NR2F1-AS1: variants seen among roughly 807,000 people sequenced by gnomAD.
NR2F1-AS1 encodes the protein NR2F1 antisense RNA 1.
At chr5:93,522,998 G>T (rs188379020) in intron 4 of NR2F1-AS1, among the ~76,000 whole-genome samples, 345 of 151,914 alleles carry the variant, frequency 2.3e-3, no homozygotes, top group African/African-American at 7.7e-3. Context: ...CAGTGAGAGA[G>T]AACTGTTCAC....
chr5:93,569,092 T>C (rs1247213777), intron 1 of NR2F1-AS1, among the ~76,000 whole-genome samples: 3 of 152,106 alleles, frequency 2.0e-5, no homozygotes, highest in South Asian at 2.1e-4. Context: ...TCTCTCCTCA[T>C]AGGTTTGAGG....
upstream of NR2F1-AS1, among the ~76,000 whole-genome samples, chr5:93,582,767 C>A (rs1207125699): frequency 1.2e-5 from 1 of 80,938 alleles, no homozygotes; most frequent in East Asian, 3.7e-4. Flanking sequence ...GGGGTGTGAG[C>A]GTAAGTGTGT....
At chr5:93,569,314 TA>T (rs1366214153) in intron 1 of NR2F1-AS1, among the ~76,000 whole-genome samples, 2 of 152,150 alleles carry the variant, frequency 1.3e-5, no homozygotes, top group East Asian at 3.9e-4. Flanking sequence ...AGTAAGGAGG[TA>T]TTACAAGATC....
intron 4 of NR2F1-AS1, among the ~76,000 whole-genome samples, chr5:93,514,217 A>T (rs184376563): frequency 3.4e-4 from 52 of 152,186 alleles, no homozygotes; most frequent in Admixed American, 7.9e-4. Flanking sequence ...AGAGAAAAAA[A>T]TTTTTCAATT....
rs1265571410 is a variant in NR2F1-AS1 at position 93,529,363 on chromosome 5, A to G, written n.638+24398T>C. 1.3e-5 allele frequency among the ~76,000 whole-genome samples: 2 copies of G among 152,226 alleles called. 1 individual carries two copies. The highest frequency in any genetic ancestry group is 2.9e-5 in the Non-Finnish European group (2 of 68,048). On this transcript the variant is annotated intron_variant and non_coding_transcript_variant, in intron 4 of 5. Coordinates refer to ENST00000660523, the Ensembl canonical transcript of NR2F1-AS1. ...AGATAAAGAAGTCAAGAAGTTTCAA[A>G]TATAGTAGTAACCACCACTGTCTTA...
chr5:93,440,564 C>T (rs555583286), intron 4 of NR2F1-AS1, among the ~76,000 whole-genome samples: 131 of 152,312 alleles, frequency 8.6e-4, no homozygotes, highest in Non-Finnish European at 1.2e-3. Flanking sequence ...CTTCAGACTC[C>T]AGCTGGAACT....
At chr5:93,430,207 CG>C (rs1186605474) in intron 4 of NR2F1-AS1, among the ~76,000 whole-genome samples, 7 of 152,144 alleles carry the variant, frequency 4.6e-5, no homozygotes, top group Non-Finnish European at 7.4e-5. Context: ...CTCAAAGTGG[CG>C]GGGGATGTCA....
At chr5:93,415,278 T>A (rs1748945425) in intron 4 of NR2F1-AS1, among the ~76,000 whole-genome samples, 4 of 152,044 alleles carry the variant, frequency 2.6e-5, no homozygotes, top group Admixed American at 2.6e-4. Flanking sequence ...GTCAGCAACA[T>A]GAGACTATGT....
chr5:93,440,813 T>C (rs1231711663), intron 4 of NR2F1-AS1, among the ~76,000 whole-genome samples: 1 of 152,208 alleles, frequency 6.6e-6, no homozygotes, highest in East Asian at 1.9e-4. Flanking sequence ...CCAGCTTTCA[T>C]GAGGAAAAAT....
chr5:93,580,197 C>T (rs1165342362), intron 1 of NR2F1-AS1, among the ~76,000 whole-genome samples: 2 of 152,248 alleles, frequency 1.3e-5, no homozygotes, highest in Non-Finnish European at 2.9e-5. Flanking sequence ...TGGGAGCAGC[C>T]TGTTTTGAAT....
intron 1 of NR2F1-AS1, among the ~76,000 whole-genome samples, chr5:93,563,670 T>C (rs1448909232): frequency 6.6e-6 from 1 of 152,224 alleles, no homozygotes; most frequent in African/African-American, 2.4e-5. Flanking sequence ...TACTGAATAC[T>C]GGTATCTCAA....
intron 4 of NR2F1-AS1, among the ~76,000 whole-genome samples, chr5:93,541,521 A>G (rs1413552305): frequency 6.6e-6 from 1 of 152,148 alleles, no homozygotes; most frequent in Non-Finnish European, 1.5e-5. Flanking sequence ...TTAAATTGGA[A>G]TCACCAACTC....
chr5:93,552,671 CAAAAAAA>C (rs774291890), intron 4 of NR2F1-AS1, among the ~76,000 whole-genome samples: 1 of 61,738 alleles, frequency 1.6e-5, no homozygotes, highest in African/African-American at 5.6e-5. Flanking sequence ...ATAACAATTA[CAAAAAAA>C]AAAAAAAAGG....
At chr5:93,550,484 G>A (rs1047275360) in intron 4 of NR2F1-AS1, among the ~76,000 whole-genome samples, 1 of 152,156 alleles carries the variant, frequency 6.6e-6, no homozygotes, top group Non-Finnish European at 1.5e-5. Flanking sequence ...TTTTAAAAAT[G>A]CACAATTTCT....
At chr5:93,452,120 T>C (rs991726767) in intron 4 of NR2F1-AS1, among the ~76,000 whole-genome samples, 7 of 152,172 alleles carry the variant, frequency 4.6e-5, no homozygotes, top group Non-Finnish European at 7.4e-5. Context: ...CAATAAATTA[T>C]ACTATAATGT....
chr5:93,441,183 G>A (rs920381564), intron 4 of NR2F1-AS1, among the ~76,000 whole-genome samples: 2 of 152,164 alleles, frequency 1.3e-5, no homozygotes, highest in African/African-American at 2.4e-5. Flanking sequence ...CCAGAAGAAC[G>A]AAGATGGTGA....
intron 4 of NR2F1-AS1, among the ~76,000 whole-genome samples, chr5:93,450,627 C>G (rs1168317669): frequency 6.6e-6 from 1 of 152,000 alleles, no homozygotes; most frequent in African/African-American, 2.4e-5. Context: ...ACTAGTGTGT[C>G]AAGGGATTTT....
chr5:93,460,717 A>G (rs1750069538), intron 4 of NR2F1-AS1, among the ~76,000 whole-genome samples: 1 of 152,154 alleles, frequency 6.6e-6, no homozygotes, highest in African/African-American at 2.4e-5. Context: ...CAGCCAACAA[A>G]CACATGAAAA....
chr5:93,433,544 G>T (rs886256177), intron 4 of NR2F1-AS1, among the ~76,000 whole-genome samples: 3 of 152,182 alleles, frequency 2.0e-5, no homozygotes, highest in African/African-American at 7.2e-5. Flanking sequence ...GAAATGCATT[G>T]TCAGGCAATT....
Sources: allele counts gnomAD v4.1 joint callset (sites outside exome capture counted in the v4.1 genomes callset), GRCh38; gene constraint gnomAD v4.1.1; transcripts MANE v1.5; gene names NCBI Gene and HGNC (gene_info 2026-07-23, HGNC 2026-07-21).